The following METTL25 variants were observed in gnomAD, a reference collection of about 807,000 sequenced individuals.
The protein encoded by METTL25 is probable methyltransferase-like protein 25.
In METTL25, 64 loss-of-function variants were observed where a neutral mutation model predicts 71.6. The ratio of observed to expected loss-of-function variants is 0.89; its 90% CI spans 0.73 to 1.10. METTL25 has a LOEUF of 1.10. Ranked by LOEUF, METTL25 falls within the 50% of genes least tolerant of loss-of-function variation. METTL25 has a pLI of 0.00. For synonymous variants in METTL25, 287 were observed against 250.3 expected (o/e 1.15, Z -1.38); for missense variants, 807 against 707.0 (o/e 1.14, Z -1.60).
At chr12:82,392,149 G>C (rs4882564) in intron 3 of METTL25, among the ~76,000 whole-genome samples, 147,108 of 147,600 alleles carry the variant, frequency 1, 73,311 homozygotes, top group Middle Eastern at 1. Context: ...TACATGTGCA[G>C]AATGTGCAGG....
intron 5 of METTL25, among the ~76,000 whole-genome samples, chr12:82,429,013 A>G (rs1461452239): frequency 6.6e-6 from 1 of 151,870 alleles, no homozygotes; most frequent in Non-Finnish European, 1.5e-5. Flanking sequence ...GATATCCATC[A>G]CTTCAAGCAT....
intron 1 of METTL25, among the ~76,000 whole-genome samples, chr12:82,365,420 A>G (rs146864098): frequency 1.2e-3 from 184 of 152,350 alleles, no homozygotes; most frequent in African/African-American, 4.4e-3. Flanking sequence ...TTAGTACATA[A>G]TATAGGCGAG....
chr12:82,403,281 A>G (rs1886805392), intron 5 of METTL25, 151 bp downstream of exon 5: 2 of 710,530 alleles, frequency 2.8e-6, no homozygotes, highest in Non-Finnish European at 4.5e-6. Context: ...TTTTAGTGTT[A>G]CGGTGTTATT....
intron 9 of METTL25, among the ~76,000 whole-genome samples, chr12:82,476,085 A>G (rs1234544294): frequency 6.6e-6 from 1 of 152,122 alleles, no homozygotes; most frequent in Non-Finnish European, 1.5e-5. Flanking sequence ...GAGCAAAAGC[A>G]CAATTGAACT....
chr12:82,450,010 C>T (rs1891028673), intron 8 of METTL25, among the ~76,000 whole-genome samples: 1 of 152,154 alleles, frequency 6.6e-6, no homozygotes, highest in African/African-American at 2.4e-5. Flanking sequence ...TCTCAGTCCT[C>T]TTCTTACTTT....
rs1269645712 is a variant in METTL25, at chr12:82,399,001, GAAAGTGCAAAAT to G, written c.744_755del (p.Gln249_Val252del). 2 of 1,608,578 alleles carry G rather than the reference GAAAGTGCAAAAT, an allele frequency of 1.2e-6. No homozygotes were observed. Among genetic ancestry groups the G allele is most frequent in the Non-Finnish European group, 1.7e-6 (2 of 1,177,780 alleles). On this transcript the variant is annotated inframe_deletion, in exon 4 of 12. Transcript: ENST00000248306. ...TAGCATTAAAAATGGCAAAAGAAAGGAAAGTGCAAAATAAAGTTAAAAATAAAGCTGATACTG... is the reference window on the plus strand; with the variant it reads ...TAGCATTAAAAATGGCAAAAGAAAGGAAAGTTAAAAATAAAGCTGATACTG...
At position 82,399,049 on chromosome 12, in the gene METTL25, T is replaced by G; in HGVS notation, c.786T>G (p.Phe262Leu). The change falls in exon 4 of 12, where the codon TTT (phenylalanine) becomes TTG (leucine). Residue 262 changes from phenylalanine (F) to leucine (L), a missense_variant. Physicochemically the swap from Phe to Leu is conservative, Grantham distance 22. Coordinates refer to ENST00000248306, the MANE Select transcript of METTL25 (RefSeq NM_032230.3). ...VKNKADTEEV[F>L]NNSPTNQEKM... ...ATAAAGCTGATACTGAGGAAGTGTTTAACAACAGTCCTACAAATCAAGAAA... is the reference window on the plus strand; with the variant it reads ...ATAAAGCTGATACTGAGGAAGTGTTGAACAACAGTCCTACAAATCAAGAAA... 1 of 1,612,820 alleles carries G rather than the reference T, an allele frequency of 6.2e-7. No individual in the cohort carries two copies. Among genetic ancestry groups the G allele is most frequent in the Non-Finnish European group, 8.5e-7 (1 of 1,179,268 alleles).
chr12:82,432,825 C>T (rs1889619557), intron 6 of METTL25, among the ~76,000 whole-genome samples: 1 of 136,932 alleles, frequency 7.3e-6, no homozygotes, highest in Non-Finnish European at 1.5e-5. Context: ...CCATAACTGA[C>T]ATTTTTGAAA....
chr12:82,477,574 T>C (rs1780422749), intron 11 of METTL25, among the ~76,000 whole-genome samples: 1 of 151,786 alleles, frequency 6.6e-6, no homozygotes, highest in Admixed American at 6.6e-5. Context: ...TTACATTCTT[T>C]TAATTGTATG....
chr12:82,442,241 C>T (rs1426539464), intron 8 of METTL25, among the ~76,000 whole-genome samples: 3 of 152,080 alleles, frequency 2.0e-5, no homozygotes, highest in Non-Finnish European at 4.4e-5. Context: ...CTTTAATAAT[C>T]AATAGAAGCT....
At chr12:82,436,411 G>A (rs116528656) in intron 7 of METTL25, among the ~76,000 whole-genome samples, 65 of 151,616 alleles carry the variant, frequency 4.3e-4, no homozygotes, top group African/African-American at 1.4e-3. Context: ...GCCACATCCA[G>A]TTTGTTCTTG....
At chr12:82,406,840 A>C (rs1320557588) in intron 5 of METTL25, among the ~76,000 whole-genome samples, 1 of 152,182 alleles carries the variant, frequency 6.6e-6, no homozygotes, top group African/African-American at 2.4e-5. Flanking sequence ...GTGTCTTGAA[A>C]GATTCAGTAG....
chr12:82,384,840 T>C (rs1255956655), intron 1 of METTL25, among the ~76,000 whole-genome samples: 2 of 152,160 alleles, frequency 1.3e-5, no homozygotes, highest in Non-Finnish European at 2.9e-5. Context: ...CTAACTATTA[T>C]AATGGTCCCT....
intron 5 of METTL25, among the ~76,000 whole-genome samples, chr12:82,413,423 A>G (rs1020061856): frequency 2.0e-5 from 3 of 152,148 alleles, no homozygotes; most frequent in African/African-American, 7.2e-5. Context: ...AGACAACTGT[A>G]ATACAGTTTG....
chr12:82,399,114 C>G lies in METTL25; in HGVS notation c.851C>G (p.Ser284Cys), dbSNP rs201656767. 3 of 1,613,718 alleles carry G rather than the reference C, an allele frequency of 1.9e-6. No homozygotes were observed. The African/African-American group carries it at 4.0e-5, about 22-fold the overall frequency. Residue 284 changes from serine to cysteine, a missense_variant, in exon 4 of 12, where the codon TCT becomes TGT. Transcript: ENST00000248306. The part of the protein sequence containing the change: ...TSAILPDFSG[S>C]VISNIRNQME... ...GCTATTTTGCCTGATTTTTCTGGCT[C>G]TGTAATTTCTAATATCAGAAACCAA... is the stretch of plus-strand genomic sequence containing the variant.
chr12:82,410,821 C>G (rs1299004836), intron 5 of METTL25, among the ~76,000 whole-genome samples: 1 of 152,074 alleles, frequency 6.6e-6, no homozygotes, highest in Non-Finnish European at 1.5e-5. Context: ...AATACGGAAG[C>G]TGATCCTGAA....
intron 6 of METTL25, among the ~76,000 whole-genome samples, chr12:82,433,217 T>C (rs1185320964): frequency 6.6e-6 from 1 of 151,682 alleles, no homozygotes; most frequent in Non-Finnish European, 1.5e-5. Flanking sequence ...TATGATATTT[T>C]TATGGACACC....
At chr12:82,363,330 A>G (rs564675935) in intron 1 of METTL25, among the ~76,000 whole-genome samples, 3 of 152,320 alleles carry the variant, frequency 2.0e-5, no homozygotes, top group East Asian at 3.9e-4. Flanking sequence ...TGGGTGGTAA[A>G]TATCAGAAGC....
At chr12:82,361,959 C>T (rs759532443) in intron 1 of METTL25, among the ~76,000 whole-genome samples, 4 of 152,190 alleles carry the variant, frequency 2.6e-5, no homozygotes, top group Non-Finnish European at 4.4e-5. Context: ...GCTGCCGGCA[C>T]GCTGTCACCT....
Sources: gnomAD v4.1 joint callset for allele counts (sites outside exome capture counted in the v4.1 genomes callset) on GRCh38, gnomAD v4.1.1 for gene constraint, MANE v1.5 for transcripts, NCBI Gene and HGNC (gene_info 2026-07-23, HGNC 2026-07-21) for gene names.